The following PPP3CA variants were observed in gnomAD, a reference collection of about 807,000 sequenced individuals.
The protein encoded by PPP3CA is CAM-PRP catalytic subunit.
Under a neutral mutation model 66.5 loss-of-function variants are expected in PPP3CA, and 14 were observed. That is an observed-to-expected ratio of 0.21 (90% confidence interval 0.14 to 0.33). The LOEUF (loss-of-function observed/expected upper bound fraction) is 0.33, where lower values mean the gene tolerates loss of function less well. Ranked by LOEUF, PPP3CA falls within the 10% of genes least tolerant of loss-of-function variation. The pLI is 1.00. For missense variants in PPP3CA, 317 were observed against 639.5 expected, an observed-to-expected ratio of 0.50 and a Z score of 5.44; for synonymous variants, 232 against 226.2, an observed-to-expected ratio of 1.03 and a Z score of -0.23.
chr4:101,141,799 T>C (rs927831696), intron 2 of PPP3CA, among the ~76,000 whole-genome samples: 3 of 152,204 alleles, frequency 2.0e-5, no homozygotes, highest in East Asian at 1.9e-4. Flanking sequence ...ACGGAGACTG[T>C]TCACTCCTGC....
intron 2 of PPP3CA, among the ~76,000 whole-genome samples, chr4:101,149,457 G>A (rs1723066143): frequency 6.6e-6 from 1 of 152,074 alleles, no homozygotes; most frequent in Non-Finnish European, 1.5e-5. Context: ...TCAACCCCAG[G>A]AAAAGGTGAA....
intron 2 of PPP3CA, among the ~76,000 whole-genome samples, chr4:101,123,526 G>A (rs562915947): frequency 1.8e-4 from 28 of 152,148 alleles, no homozygotes; most frequent in Non-Finnish European, 2.5e-4. Context: ...AAGATATGAC[G>A]CTGTAAAGAT....
chr4:101,133,189 C>T (rs538590272), intron 2 of PPP3CA, among the ~76,000 whole-genome samples: 1 of 152,240 alleles, frequency 6.6e-6, no homozygotes, highest in East Asian at 1.9e-4. Flanking sequence ...AAAACTGGCA[C>T]AAGACAAGGA....
At chr4:101,079,336 T>C (rs1231559051) in intron 8 of PPP3CA, among the ~76,000 whole-genome samples, 3 of 152,062 alleles carry the variant, frequency 2.0e-5, no homozygotes, top group African/African-American at 7.2e-5. Context: ...TATTTGACCT[T>C]AGATATGTTA....
chr4:101,177,515 G>A (rs1199819356), intron 2 of PPP3CA, among the ~76,000 whole-genome samples: 2 of 151,402 alleles, frequency 1.3e-5, no homozygotes, highest in East Asian at 3.9e-4. Context: ...TTAAGCTTGG[G>A]AAAAAAAGGG....
chr4:101,269,763 A>T (rs1727279686), intron 1 of PPP3CA, among the ~76,000 whole-genome samples: 1 of 152,174 alleles, frequency 6.6e-6, no homozygotes, highest in South Asian at 2.1e-4. Flanking sequence ...CCTCAATGTG[A>T]ACATCATGAA....
intron 2 of PPP3CA, among the ~76,000 whole-genome samples, chr4:101,135,101 G>A (rs1390029240): frequency 3.3e-5 from 5 of 152,056 alleles, no homozygotes; most frequent in Non-Finnish European, 7.4e-5. Context: ...GATAGCATGA[G>A]GAGAAATACC....
At chr4:101,196,958 G>A (rs1421700981) in intron 1 of PPP3CA, among the ~76,000 whole-genome samples, 1 of 152,142 alleles carries the variant, frequency 6.6e-6, no homozygotes, top group Non-Finnish European at 1.5e-5. Context: ...GCATCCAAAG[G>A]TCTATGGTCA....
intron 1 of PPP3CA, among the ~76,000 whole-genome samples, chr4:101,251,474 A>G (rs562793591): frequency 6.6e-6 from 1 of 152,238 alleles, no homozygotes; most frequent in Non-Finnish European, 1.5e-5. Flanking sequence ...ATTACACAGG[A>G]CAAAAATTAA....
At chr4:101,217,033 A>G (rs1254242078) in intron 1 of PPP3CA, among the ~76,000 whole-genome samples, 1 of 152,202 alleles carries the variant, frequency 6.6e-6, no homozygotes, top group Admixed American at 6.5e-5. Flanking sequence ...TTACGTAAGT[A>G]AAAGATGCTC....
chr4:101,083,043 G>C (rs1729507288), intron 7 of PPP3CA, 143 bp downstream of exon 7: 1 of 516,616 alleles, frequency 1.9e-6, no homozygotes, highest in Non-Finnish European at 3.2e-6. Flanking sequence ...TCATACCTGT[G>C]TCATCCATCA....
In PPP3CA at chr4:101,256,427, T is replaced by C. The variant is rs150558146; in HGVS notation, c.59-60311A>G. The stretch of plus-strand genomic sequence containing the variant: ...TAATTACATGATGGTACATAAACAT[T>C]GCTAGAAATGGTAAATACCCACCTG... On this transcript the variant is annotated intron_variant, in intron 1 of 13. Coordinates refer to ENST00000394854, the MANE Select transcript of PPP3CA (RefSeq NM_000944.5). Among the ~76,000 whole-genome samples the C allele has an allele frequency of 4.1e-3, 631 of 152,078 alleles. 4 individuals carry two copies. The highest frequency in any genetic ancestry group is 7.4e-3 in the Non-Finnish European group (503 of 67,886).
intron 1 of PPP3CA, among the ~76,000 whole-genome samples, chr4:101,225,338 C>T (rs1725748319): frequency 6.6e-6 from 1 of 151,654 alleles, no homozygotes; most frequent in African/African-American, 2.4e-5. Flanking sequence ...AAGGGCTCAA[C>T]AAATATTTGT....
intron 1 of PPP3CA, among the ~76,000 whole-genome samples, chr4:101,237,748 A>C (rs1017402569): frequency 9.9e-5 from 15 of 152,072 alleles, no homozygotes; most frequent in Non-Finnish European, 1.8e-4. Flanking sequence ...TTGGGGGGCA[A>C]CTGCAGCAGA....
chr4:101,145,001 T>G (rs1317481721), intron 2 of PPP3CA, among the ~76,000 whole-genome samples: 5 of 152,200 alleles, frequency 3.3e-5, no homozygotes, highest in Non-Finnish European at 7.4e-5. Context: ...TCCCTTTGAT[T>G]GGTATAGTAA....
intron 13 of PPP3CA, 60 bp from the exon 14 acceptor site, chr4:101,026,121 C>T: frequency 7.2e-7 from 1 of 1,381,390 alleles, no homozygotes; most frequent in South Asian, 1.4e-5. Context: ...ACAAAGGGCA[C>T]AGCTGTTGCA....
chr4:101,190,269 C>T (rs1724555928), intron 2 of PPP3CA, among the ~76,000 whole-genome samples: 1 of 152,044 alleles, frequency 6.6e-6, no homozygotes, highest in South Asian at 2.1e-4. Flanking sequence ...TGATTGTTTT[C>T]AAATTTTAAG....
chr4:101,340,553 T>C (rs930317323), intron 1 of PPP3CA, among the ~76,000 whole-genome samples: 2 of 152,100 alleles, frequency 1.3e-5, no homozygotes, highest in African/African-American at 4.8e-5. Flanking sequence ...CCCCTAACCA[T>C]GGAGGAATAC....
chr4:101,289,281 T>C (rs1279756485), intron 1 of PPP3CA, among the ~76,000 whole-genome samples: 1 of 152,270 alleles, frequency 6.6e-6, no homozygotes, highest in Non-Finnish European at 1.5e-5. Flanking sequence ...TATAGTTTTG[T>C]ATTCTGCACT....
Sources: gnomAD v4.1 joint callset for allele counts (sites outside exome capture counted in the v4.1 genomes callset) on GRCh38, gnomAD v4.1.1 for gene constraint, MANE v1.5 for transcripts, NCBI Gene and HGNC (gene_info 2026-07-23, HGNC 2026-07-21) for gene names.